The following BCAS3 variants were observed in gnomAD, a reference collection of about 807,000 sequenced individuals.
BCAS3 encodes BCAS3 microtubule associated cell migration factor.
Under a neutral mutation model 116.1 loss-of-function variants are expected in BCAS3, and 53 were observed. That is an observed-to-expected ratio of 0.46 (90% confidence interval 0.37 to 0.57). BCAS3 has a LOEUF of 0.57. BCAS3 is among the 20% of genes least tolerant of loss of function. The pLI is 0.00. For missense variants in BCAS3, 917 were observed against 1,165.4 expected, an observed-to-expected ratio of 0.79 and a Z score of 3.10; for synonymous variants, 391 against 408.2, an observed-to-expected ratio of 0.96 and a Z score of 0.51.
At chr17:61,172,473 AAT>A (rs1052072363) in intron 22 of BCAS3, among the ~76,000 whole-genome samples, 54 of 150,144 alleles carry the variant, frequency 3.6e-4, no homozygotes, top group African/African-American at 1.1e-3. Context: ...CTCTACTAAA[AAT>A]ACAAAAAAAT....
rs113017714 is a variant in BCAS3, at chr17:60,738,895, C to T, written c.322-8303C>T. Reference sequence around the variant, plus strand: ...CTCAGCCTTCCATGTAGCAAGCCATCATGACTGGCAAATTTTATTTTTTTT... The same window carrying T: ...CTCAGCCTTCCATGTAGCAAGCCATTATGACTGGCAAATTTTATTTTTTTT... On this transcript the variant is annotated intron_variant, in intron 5 of 23. Coordinates refer to ENST00000407086, the MANE Select transcript of BCAS3 (RefSeq NM_017679.5). 2.4e-3 allele frequency among the ~76,000 whole-genome samples: 366 copies of T among 152,206 alleles called. 1 individual carries two copies. Among genetic ancestry groups the T allele is most frequent in the African/African-American group, 8.3e-3 (344 of 41,554 alleles).
intron 19 of BCAS3, among the ~76,000 whole-genome samples, chr17:61,050,508 T>A (rs1464901302): frequency 4.0e-5 from 6 of 151,888 alleles, no homozygotes; most frequent in African/African-American, 1.4e-4. Context: ...AGTGGTATAA[T>A]ATTACCTGAA....
In BCAS3 at chr17:61,354,734, T is replaced by C. The variant is rs1008256205; in HGVS notation, c.2426-13593T>C. The C allele has an allele frequency of 3.3e-5, 5 of 152,138 alleles. No individual in the cohort carries two copies. Among genetic ancestry groups the C allele is most frequent in the Non-Finnish European group, 7.4e-5 (5 of 68,026 alleles). 9.4% of individuals were successfully genotyped at this position (152,138 alleles called of 1,614,324 possible). On this transcript the variant is annotated intron_variant, in intron 22 of 23. Transcript: ENST00000407086. The surrounding 1 kb of genome is among the most constrained non-coding windows in gnomAD (Gnocchi z 4.5). The stretch of plus-strand genomic sequence containing the variant: ...AGTGAGAGCTCTTGGGTTTAGGTGG[T>C]TGAGAGAGGTGGAAGGTTGACCACA...
intron 22 of BCAS3, among the ~76,000 whole-genome samples, chr17:61,160,120 T>C (rs938823967): frequency 6.6e-6 from 1 of 151,684 alleles, no homozygotes; most frequent in African/African-American, 2.4e-5. Context: ...TTCAAAGATA[T>C]AAATTAACTA....
intron 22 of BCAS3, among the ~76,000 whole-genome samples, chr17:61,297,180 A>G (rs1250518008): frequency 3.9e-5 from 6 of 152,196 alleles, no homozygotes; most frequent in Admixed American, 3.9e-4. Flanking sequence ...ATGACAGTCA[A>G]TGCATATGGG....
chr17:60,710,558 AG>A (rs1311852363), intron 5 of BCAS3, among the ~76,000 whole-genome samples: 1 of 151,610 alleles, frequency 6.6e-6, no homozygotes, highest in African/African-American at 2.4e-5. Flanking sequence ...CAGCCTCTCA[AG>A]TAGCTGGGAC....
intron 4 of BCAS3, chr17:60,696,522 A>T (rs1400126755): frequency 6.6e-6 from 1 of 151,724 alleles, no homozygotes; most frequent in Admixed American, 6.6e-5. Flanking sequence ...AACAGTTAAA[A>T]CTCCCATGCT....
At chr17:61,053,344 A>AT (rs2069061990) in intron 19 of BCAS3, among the ~76,000 whole-genome samples, 1 of 152,170 alleles carries the variant, frequency 6.6e-6, no homozygotes, top group Non-Finnish European at 1.5e-5. Context: ...GAATGAAGTC[A>AT]TTTTAAAAGA....
chr17:61,322,961 A>T (rs1457601748), intron 22 of BCAS3, among the ~76,000 whole-genome samples: 2 of 151,896 alleles, frequency 1.3e-5, no homozygotes, highest in Non-Finnish European at 2.9e-5. Context: ...TGAGGACTTT[A>T]TATCTTTTTC....
chr17:61,044,465 A>AAAAAAATATATATATATAT, intron 19 of BCAS3, among the ~76,000 whole-genome samples: 26 of 120,100 alleles, frequency 2.2e-4, no homozygotes, highest in African/African-American at 1.3e-3. Flanking sequence ...AAAAAAAAAA[A>AAAAAAATATATATATATAT]ATATATATAT....
At chr17:60,716,712 CAAA>C (rs766398636) in intron 5 of BCAS3, among the ~76,000 whole-genome samples, 2 of 126,324 alleles carry the variant, frequency 1.6e-5, no homozygotes, top group African/African-American at 5.7e-5. Flanking sequence ...AAGACCCTCT[CAAA>C]AAAAAAAAAA....
At chr17:61,078,702 G>T (rs1052531500) in intron 21 of BCAS3, among the ~76,000 whole-genome samples, 173 bp downstream of exon 21, 2 of 152,186 alleles carry the variant, frequency 1.3e-5, no homozygotes, top group Non-Finnish European at 2.9e-5. Context: ...ATAGGGTCTC[G>T]TGGGATCACA....
intron 7 of BCAS3, among the ~76,000 whole-genome samples, chr17:60,854,258 A>G (rs2144819933): frequency 6.6e-6 from 1 of 152,302 alleles, no homozygotes; most frequent in South Asian, 2.1e-4. Flanking sequence ...ATAGTATTCC[A>G]TGGTGTATAT....
rs2065558730 is a variant in BCAS3 at position 61,017,737 on chromosome 17, G to T, written c.1637+1836G>T. Among the ~76,000 whole-genome samples the T allele has an allele frequency of 6.6e-6, 1 of 152,138 alleles. No individual in the cohort carries two copies. The highest frequency in any genetic ancestry group is 2.1e-4 in the South Asian group (1 of 4,832). ...TAATATTTATGGTGAGGGGTAGGAAGTGAGTCTGCTTTTTTATGTAGTATT... is the reference window on the plus strand; with the variant it reads ...TAATATTTATGGTGAGGGGTAGGAATTGAGTCTGCTTTTTTATGTAGTATT... On this transcript the variant is annotated intron_variant, in intron 16 of 23. Coordinates refer to ENST00000407086, the MANE Select transcript of BCAS3 (RefSeq NM_017679.5). This position sits in a 1 kb window ranked among gnomAD's most constrained non-coding sequence, Gnocchi z 4.7.
intron 6 of BCAS3, among the ~76,000 whole-genome samples, chr17:60,749,215 C>A (rs2042244640): frequency 6.6e-6 from 1 of 152,174 alleles, no homozygotes; most frequent in African/African-American, 2.4e-5. Context: ...TGTCTTTATT[C>A]TTCCTTCACT....
intron 2 of BCAS3, among the ~76,000 whole-genome samples, chr17:60,680,227 A>G (rs2032825408): frequency 6.6e-6 from 1 of 152,242 alleles, no homozygotes; most frequent in African/African-American, 2.4e-5. Context: ...TGACATGCAC[A>G]TAAATATGTT....
intron 22 of BCAS3, among the ~76,000 whole-genome samples, chr17:61,301,271 A>G (rs1190603523): frequency 6.6e-6 from 1 of 152,216 alleles, no homozygotes; most frequent in Admixed American, 6.5e-5. Flanking sequence ...AATATTTGCC[A>G]TCTGGCCCCT....
At chr17:61,321,418 C>T (rs1270081371) in intron 22 of BCAS3, among the ~76,000 whole-genome samples, 1 of 152,246 alleles carries the variant, frequency 6.6e-6, no homozygotes, top group Non-Finnish European at 1.5e-5. Context: ...TGACCTGTTT[C>T]AAAGAGCTTG....
At position 61,365,629 on chromosome 17, in the gene BCAS3, TG is replaced by T. The variant is rs2058687332; in HGVS notation, c.2426-2696del. Among the ~76,000 whole-genome samples the T allele has an allele frequency of 1.3e-5, 2 of 152,118 alleles. No homozygotes were observed. The highest frequency in any genetic ancestry group is 4.2e-4 in the South Asian group (2 of 4,796). ...GATTACAGGCGTGAGCCACCGTGCC[TG>T]GCCCAATTTCTTTTGTTTGTTTTCT... On this transcript the variant is annotated intron_variant, in intron 22 of 23. Coordinates refer to ENST00000407086, the MANE Select transcript of BCAS3 (RefSeq NM_017679.5). This position sits in a 1 kb window ranked among gnomAD's most constrained non-coding sequence, Gnocchi z 4.6.
Sources: gnomAD v4.1 joint callset for allele counts (sites outside exome capture counted in the v4.1 genomes callset) on GRCh38, gnomAD v4.1.1 for gene constraint, Gnocchi (gnomAD v3.1) non-coding constraint, MANE v1.5 for transcripts, NCBI Gene and HGNC (gene_info 2026-07-23, HGNC 2026-07-21) for gene names.